The following RANBP3 variants were observed in gnomAD, a reference collection of about 807,000 sequenced individuals.
The protein encoded by RANBP3 is ran-binding protein 3.
A neutral mutation model predicts 77.3 loss-of-function variants in RANBP3; 14 were observed. The ratio of observed to expected loss-of-function variants is 0.18; its 90% CI spans 0.12 to 0.28. The LOEUF (loss-of-function observed/expected upper bound fraction) is 0.28, where lower values mean the gene tolerates loss of function less well. Ranked by LOEUF, RANBP3 falls within the 10% of genes least tolerant of loss-of-function variation. RANBP3 has a pLI of 1.00. For synonymous variants in RANBP3, 315 were observed against 312.4 expected, an observed-to-expected ratio of 1.01 and a Z score of -0.09; for missense variants, 586 against 752.3, an observed-to-expected ratio of 0.78 and a Z score of 2.59.
At chr19:5,955,757 C>T (rs769087522) in intron 2 of RANBP3, among the ~76,000 whole-genome samples, 3 of 152,180 alleles carry the variant, frequency 2.0e-5, no homozygotes, top group East Asian at 1.9e-4. Context: ...GCAAGCCACA[C>T]GGTCTCTGTC....
intron 1 of RANBP3, among the ~76,000 whole-genome samples, chr19:5,967,000 A>AT (rs1197273819): frequency 6.6e-6 from 1 of 152,206 alleles, no homozygotes; most frequent in Non-Finnish European, 1.5e-5. Flanking sequence ...CAAGTCATTT[A>AT]TTTTTTCAGA....
chr19:5,937,056 C>CAAAAAAAAAAAAAAAAAAAAAAAAAAA (rs71172783), intron 5 of RANBP3, among the ~76,000 whole-genome samples: 19 of 37,180 alleles, frequency 5.1e-4, no homozygotes, highest in African/African-American at 7.2e-4. Context: ...ACTCTGTCTC[C>CAAAAAAAAAAAAAAAAAAAAAAAAAAA]AAAAAAAAAA....
chr19:5,925,179 T>G (rs1303744114), intron 10 of RANBP3: 3 of 520,308 alleles, frequency 5.8e-6, no homozygotes. Context: ...CGGGACACGC[T>G]TTCTTCTGAG....
intron 1 of RANBP3, chr19:5,962,784 A>G (rs1236452774): frequency 2.2e-6 from 1 of 455,822 alleles, no homozygotes; most frequent in African/African-American, 2.0e-5. Flanking sequence ...GCAAATCAGC[A>G]CGGCTATCGC....
At chr19:5,934,781 G>A (rs2058041381) in intron 5 of RANBP3, among the ~76,000 whole-genome samples, 1 of 152,214 alleles carries the variant, frequency 6.6e-6, no homozygotes, top group South Asian at 2.1e-4. Flanking sequence ...TTACAGTTGA[G>A]TTACGACTGT....
At chr19:5,925,518 C>T (rs2057893283) in intron 10 of RANBP3, 116 bp downstream of exon 10, 3 of 882,862 alleles carry the variant, frequency 3.4e-6, no homozygotes, top group Non-Finnish European at 5.5e-6. Flanking sequence ...GGCCTGAGAG[C>T]AACCTGGATT....
intron 13 of RANBP3, among the ~76,000 whole-genome samples, chr19:5,922,864 C>G (rs2057843063): frequency 6.6e-6 from 1 of 152,202 alleles, no homozygotes. Flanking sequence ...CCCTTGAACC[C>G]AGGAAGCAGA....
rs1461058906 is a variant in RANBP3, at chr19:5,925,702, C to T, written c.849G>A (p.Glu283=). 6.2e-7 allele frequency: 1 copy of T among 1,613,804 alleles called. No homozygotes were observed. Among genetic ancestry groups the T allele is most frequent in the Non-Finnish European group, 8.5e-7 (1 of 1,180,006 alleles). ...INESVDEADM[E]NAGHPSADTP... is the part of the protein sequence containing the mutation. Reference sequence around the variant, plus strand: ...TGTCTGCGCTGGGGTGTCCAGCATTCTCCATGTCGGCTTCGTCCACGCTCT... The same window carrying T: ...TGTCTGCGCTGGGGTGTCCAGCATTTTCCATGTCGGCTTCGTCCACGCTCT... Residue 283 remains glutamate (E), a synonymous_variant, in exon 10 of 17, where the codon GAG becomes GAA. Transcript: ENST00000340578.
At chr19:5,957,999 T>TC in intron 1 of RANBP3, 26 bp from the exon 2 acceptor site, 1 of 1,610,374 alleles carries the variant, frequency 6.2e-7, no homozygotes, top group Non-Finnish European at 8.5e-7. Flanking sequence ...TTAGTTTTTT[T>TC]CCCCCCAACA....
At chr19:5,941,960 C>A (rs1413339411) in intron 3 of RANBP3, 125 bp from the exon 4 acceptor site, 5 of 1,039,364 alleles carry the variant, frequency 4.8e-6, no homozygotes, top group South Asian at 2.6e-5. Flanking sequence ...GCCCAGCACC[C>A]GAATGAGAGC....
chr19:5,961,597 G>A (rs1437771337), intron 1 of RANBP3, among the ~76,000 whole-genome samples: 1 of 152,136 alleles, frequency 6.6e-6, no homozygotes, highest in Non-Finnish European at 1.5e-5. Context: ...AGCCAGGCGT[G>A]GTGGCGCAAC....
intron 3 of RANBP3, among the ~76,000 whole-genome samples, chr19:5,946,646 T>A (rs1179320798): frequency 2.0e-5 from 3 of 152,072 alleles, no homozygotes; most frequent in African/African-American, 7.2e-5. Context: ...CCACGTGAGG[T>A]GCCGCCTGCC....
At chr19:5,923,099 GC>G in intron 13 of RANBP3, 94 bp downstream of exon 13, 1 of 981,840 alleles carries the variant, frequency 1.0e-6, no homozygotes. Context: ...TCAGGGGCAG[GC>G]CTGTGTGCTC....
At chr19:5,925,777 G>C (rs759519518) in intron 9 of RANBP3, 40 bp from the exon 10 acceptor site, 11 of 1,561,894 alleles carry the variant, frequency 7.0e-6, no homozygotes, top group South Asian at 1.1e-5. Context: ...GGGGGTGGGG[G>C]GGTGCCTGGA....
At chr19:5,951,903 C>T (rs1360633569) in intron 2 of RANBP3, among the ~76,000 whole-genome samples, 2 of 152,172 alleles carry the variant, frequency 1.3e-5, no homozygotes, top group Non-Finnish European at 2.9e-5. Context: ...ACTTGGCTTA[C>T]GGGCCTTGGT....
intron 1 of RANBP3, among the ~76,000 whole-genome samples, chr19:5,961,010 A>G (rs551684970): frequency 2.4e-4 from 37 of 152,148 alleles, no homozygotes; most frequent in Non-Finnish European, 4.9e-4. Flanking sequence ...CAGATCCTCC[A>G]CAATTGCCTC....
intron 9 of RANBP3, 152 bp downstream of exon 9, chr19:5,927,816 C>G: frequency 1.0e-6 from 1 of 985,056 alleles, no homozygotes. Flanking sequence ...ACACCAGCAG[C>G]AGACTGTGCC....
Position 5,921,163 on chromosome 19 carries a change from T to C in RANBP3, c.1330+38A>G, listed in dbSNP as rs1269870056. ...ATTGCATAGTCCCCAGCCCTCCCCA[T>C]GGGGACCCGGCCACAGCCCCCGCCG... is the stretch of plus-strand genomic sequence containing the variant. On this transcript the variant is annotated intron_variant, in intron 14 of 16. Transcript: ENST00000340578. This position sits in a 1 kb window ranked among gnomAD's most constrained non-coding sequence, Gnocchi z 5.3. 6.3e-7 allele frequency: 1 copy of C among 1,594,012 alleles called. No homozygotes were observed.
In RANBP3 at chr19:5,957,983, G is replaced by C; in HGVS notation, c.23-10C>G. 6.2e-7 allele frequency: 1 copy of C among 1,613,914 alleles called. No individual in the cohort carries two copies. Among genetic ancestry groups the C allele is most frequent in the East Asian group, 2.2e-5 (1 of 44,876 alleles). On this transcript the variant is annotated splice_polypyrimidine_tract_variant and intron_variant, in intron 1 of 16. Coordinates refer to ENST00000340578, the MANE Select transcript of RANBP3 (RefSeq NM_007322.3). ...GCAATGGCAGGCTTTTCTGCAAAAA[G>C]AAAAATTAGTTTTTTTCCCCCCAAC...
Sources: gnomAD v4.1 joint callset for allele counts (sites outside exome capture counted in the v4.1 genomes callset) on GRCh38, gnomAD v4.1.1 for gene constraint, Gnocchi (gnomAD v3.1) non-coding constraint, MANE v1.5 for transcripts, NCBI Gene and HGNC (gene_info 2026-07-23, HGNC 2026-07-21) for gene names.